The following MSRA variants were observed in gnomAD, a reference collection of about 807,000 sequenced individuals.
The protein encoded by MSRA is methionine sulfoxide reductase A.
A neutral mutation model predicts 31.3 loss-of-function variants in MSRA; 54 were observed. That is an observed-to-expected ratio of 1.73 (90% CI 1.39 to 2.17). The LOEUF (loss-of-function observed/expected upper bound fraction) is 2.17, where lower values mean the gene tolerates loss of function less well. Among genes scored for constraint, MSRA ranks in the 30% most tolerant of loss-of-function variants. The pLI is 0.00. For synonymous variants in MSRA, 169 were observed against 116.5 expected, an observed-to-expected ratio of 1.45 and a Z score of -2.90; for missense variants, 507 against 300.9, an observed-to-expected ratio of 1.69 and a Z score of -5.07.
intron 1 of MSRA, among the ~76,000 whole-genome samples, chr8:10,196,744 T>A (rs1055334096): frequency 5.3e-5 from 8 of 151,742 alleles, no homozygotes; most frequent in East Asian, 3.9e-4. Context: ...TTTTTTTTTT[T>A]AATTTTTAGT....
chr8:10,373,667 G>A (rs1805600785), intron 5 of MSRA, among the ~76,000 whole-genome samples: 1 of 152,264 alleles, frequency 6.6e-6, no homozygotes, highest in South Asian at 2.1e-4. Flanking sequence ...GGGATTCCGG[G>A]AAGGAAGCCA....
intron 1 of MSRA, among the ~76,000 whole-genome samples, chr8:10,113,287 G>GTTTTTTTTTTTTTTT (rs1412167930): frequency 3.2e-4 from 2 of 6,310 alleles, no homozygotes; most frequent in African/African-American, 9.1e-4. Context: ...GTGAAGACAG[G>GTTTTTTTTTTTTTTT]TCTTCTTTTT....
At chr8:10,248,382 C>G (rs569086112) in intron 3 of MSRA, among the ~76,000 whole-genome samples, 1 of 152,150 alleles carries the variant, frequency 6.6e-6, no homozygotes, top group East Asian at 1.9e-4. Context: ...GAGGGGTTAA[C>G]AGAATCCACA....
Position 10,089,226 on chromosome 8 carries a change from G to A in MSRA, c.142+34568G>A, listed in dbSNP as rs536841698. On this transcript the variant is annotated intron_variant, in intron 1 of 5. Transcript: ENST00000317173. Reference sequence around the variant, plus strand: ...GCAGTAACCATTTTGCCATCTATATGCATCCCGTATCATCACGTTGTCAAA... The same window carrying A: ...GCAGTAACCATTTTGCCATCTATATACATCCCGTATCATCACGTTGTCAAA... 5.3e-5 allele frequency among the ~76,000 whole-genome samples: 8 copies of A among 152,160 alleles called. No individual in the cohort carries two copies. The South Asian group carries it at 1.7e-3, about 32-fold the overall frequency.
rs190278381 is a variant in MSRA at position 10,209,872 on chromosome 8, G to T, written c.211+1971G>T. Among the ~76,000 whole-genome samples the T allele has an allele frequency of 1.2e-3, 182 of 152,352 alleles. 2 individuals are homozygous for T. Among genetic ancestry groups the T allele is most frequent in the Admixed American group, 4.4e-3 (67 of 15,304 alleles). ...ATTTCTACAAGTTAACAACATATAAGAAGCAGAATTCTACAGATGATAAAG... is the reference window on the plus strand; with the variant it reads ...ATTTCTACAAGTTAACAACATATAATAAGCAGAATTCTACAGATGATAAAG... On this transcript the variant is annotated intron_variant, in intron 2 of 5. Coordinates refer to ENST00000317173, the MANE Select transcript of MSRA (RefSeq NM_012331.5).
chr8:10,258,473 G>A (rs1273037661), intron 3 of MSRA, among the ~76,000 whole-genome samples: 1 of 152,118 alleles, frequency 6.6e-6, no homozygotes, highest in Non-Finnish European at 1.5e-5. Context: ...CCCTATTCTT[G>A]TGACACCTGG....
chr8:10,307,428 A>C (rs1037761982), intron 4 of MSRA, among the ~76,000 whole-genome samples: 2 of 152,118 alleles, frequency 1.3e-5, no homozygotes, highest in African/African-American at 2.4e-5. Context: ...CAGCCTTCCA[A>C]AGTTCTGGGA....
At chr8:10,351,042 G>T (rs1308042136) in intron 5 of MSRA, among the ~76,000 whole-genome samples, 1 of 152,192 alleles carries the variant, frequency 6.6e-6, no homozygotes, top group Non-Finnish European at 1.5e-5. Context: ...ACTGGAAAGA[G>T]AACCTCGTTT....
chr8:10,352,252 CAT>C (rs989139543), intron 5 of MSRA, among the ~76,000 whole-genome samples: 1 of 152,086 alleles, frequency 6.6e-6, no homozygotes, highest in Admixed American at 6.5e-5. Context: ...CTTAAATTCT[CAT>C]ATATAAAAAC....
intron 1 of MSRA, among the ~76,000 whole-genome samples, chr8:10,060,431 A>T (rs966612246): frequency 4.6e-5 from 7 of 152,232 alleles, no homozygotes; most frequent in African/African-American, 1.4e-4. Flanking sequence ...GAAACTTTGA[A>T]AGGATAGCTA....
chr8:10,136,622 G>A (rs1467355185), intron 1 of MSRA, among the ~76,000 whole-genome samples: 1 of 152,166 alleles, frequency 6.6e-6, no homozygotes, highest in East Asian at 1.9e-4. Flanking sequence ...TTGACACAGT[G>A]GGAACGAGAG....
chr8:10,315,702 G>A (rs1449995759), intron 4 of MSRA, among the ~76,000 whole-genome samples: 4 of 152,160 alleles, frequency 2.6e-5, no homozygotes, highest in African/African-American at 9.7e-5. Flanking sequence ...ATATAGTGGG[G>A]CACTTTGGCT....
At chr8:10,185,618 G>A (rs1394825918) in intron 1 of MSRA, among the ~76,000 whole-genome samples, 2 of 152,172 alleles carry the variant, frequency 1.3e-5, no homozygotes, top group East Asian at 1.9e-4. Flanking sequence ...CAAAGAGAGA[G>A]CAATGGAGAA....
At chr8:10,174,705 G>C (rs931015261) in intron 1 of MSRA, among the ~76,000 whole-genome samples, 4 of 152,032 alleles carry the variant, frequency 2.6e-5, no homozygotes, top group African/African-American at 9.7e-5. Context: ...TTCATTGCTG[G>C]TTAGACGTGT....
chr8:10,258,725 T>A (rs1279574072), intron 3 of MSRA, among the ~76,000 whole-genome samples: 2 of 152,180 alleles, frequency 1.3e-5, no homozygotes, highest in Non-Finnish European at 2.9e-5. Flanking sequence ...TCTTCCCTGA[T>A]GGTTTAAAGA....
intron 5 of MSRA, among the ~76,000 whole-genome samples, chr8:10,329,322 C>T (rs1030622013): frequency 5.3e-5 from 8 of 152,222 alleles, no homozygotes; most frequent in African/African-American, 1.9e-4. Flanking sequence ...AAGAATCCCT[C>T]CCCGGATCTT....
At chr8:10,307,626 C>G (rs907648364) in intron 4 of MSRA, among the ~76,000 whole-genome samples, 2 of 152,208 alleles carry the variant, frequency 1.3e-5, no homozygotes, top group Non-Finnish European at 2.9e-5. Flanking sequence ...GAAAAGGGAA[C>G]TATTGTACAC....
At chr8:10,336,438 CT>C (rs779483098) in intron 5 of MSRA, among the ~76,000 whole-genome samples, 3,108 of 143,986 alleles carry the variant, frequency 0.022, 83 homozygotes, top group African/African-American at 0.067. Context: ...AATTTTAATC[CT>C]TTTTTTTTTT....
At chr8:10,320,218 C>A in intron 5 of MSRA, 1 of 335,632 alleles carries the variant, frequency 3.0e-6, no homozygotes, top group East Asian at 4.8e-5. Context: ...CCTGTAATCC[C>A]AGTACTTTGG....
Sources: allele counts gnomAD v4.1 joint callset (sites outside exome capture counted in the v4.1 genomes callset), GRCh38; gene constraint gnomAD v4.1.1; transcripts MANE v1.5; gene names NCBI Gene and HGNC (gene_info 2026-07-23, HGNC 2026-07-21).